CORO1B: variants seen among roughly 807,000 people sequenced by gnomAD.
CORO1B encodes coronin-1B.
In CORO1B, 30 loss-of-function variants were observed where a neutral mutation model predicts 51.1. The ratio of observed to expected loss-of-function variants is 0.59; its 90% CI spans 0.44 to 0.80. The LOEUF (loss-of-function observed/expected upper bound fraction) is 0.80. CORO1B is among the 30% of genes least tolerant of loss of function. The probability of loss-of-function intolerance (pLI) is 0.00; values close to 1 mark genes in which losing one functional copy is unlikely to be tolerated. For missense variants in CORO1B, 648 were observed against 700.4 expected, an observed-to-expected ratio of 0.93 and a Z score of 0.84; for synonymous variants, 310 against 289.7, an observed-to-expected ratio of 1.07 and a Z score of -0.71.
chr11:67,441,282 TCAAGGTCCTGGGCCTATCCACAGC>T, intron 5 of CORO1B, 27 bp downstream of exon 5: 1 of 1,612,696 alleles, frequency 6.2e-7, no homozygotes, highest in South Asian at 1.1e-5. Context: ...AGCGCCCTGC[TCAAGGTCCTGGGCCTATCCACAGC>T]CATCCTTGCC....
At position 67,438,849 on chromosome 11, in the gene CORO1B, A is replaced by C. The variant is rs755664667; in HGVS notation, c.1166T>G (p.Leu389Arg). ...WVSGRDADPI[L>R]ISLREAYVPS... is the part of the protein sequence containing the mutation. ...CACGTAGGCCTCCCGCAGTGAGATGAGGATCGGGTCGGCATCCCGCCCGCT... is the reference window on the plus strand; with the variant it reads ...CACGTAGGCCTCCCGCAGTGAGATGCGGATCGGGTCGGCATCCCGCCCGCT... Residue 389 changes from leucine (L) to arginine (R), a missense_variant, in exon 10 of 11, where the codon CTC (leucine) becomes CGC (arginine). Leu to Arg is a moderately radical substitution (Grantham distance 102, BLOSUM62 -2). Coordinates refer to ENST00000341356, the MANE Select transcript of CORO1B (RefSeq NM_020441.3). The C allele has an allele frequency of 1.1e-4, 175 of 1,609,318 alleles. No homozygotes were observed. Among genetic ancestry groups the C allele is most frequent in the Non-Finnish European group, 1.4e-4 (170 of 1,179,040 alleles).
intron 8 of CORO1B, 61 bp downstream of exon 8, chr11:67,440,057 A>T: frequency 6.4e-7 from 1 of 1,553,446 alleles, no homozygotes; most frequent in Non-Finnish European, 8.7e-7. Context: ...AGCAGCCTCC[A>T]ATGACCTGAC....
Position 67,436,134 on chromosome 11 carries a change from G to T in CORO1B, c.*2242C>A. The T allele has an allele frequency of 6.3e-7, 1 of 1,585,952 alleles. No homozygotes were observed. The highest frequency in any genetic ancestry group is 8.6e-7 in the Non-Finnish European group (1 of 1,166,024). On this transcript the variant is annotated 3_prime_UTR_variant, in exon 11 of 11. Transcript: ENST00000341356. ...AGCAGGCGCCGCGTGCGGCCCCACA[G>T]CGCGGCACCTAGGCGGGCCGGGTGG... is the stretch of plus-strand genomic sequence containing the variant.
chr11:67,436,118 C>G lies in CORO1B; in HGVS notation c.*2258G>C. On this transcript the variant is annotated 3_prime_UTR_variant, in exon 11 of 11. Coordinates refer to ENST00000341356, the MANE Select transcript of CORO1B (RefSeq NM_020441.3). ...TGGGGGGCTGGCCCAGAGCAGGCGC[C>G]GCGTGCGGCCCCACAGCGCGGCACC... 2 of 1,597,284 alleles carry G rather than the reference C, an allele frequency of 1.3e-6. No homozygotes were observed. The highest frequency in any genetic ancestry group is 1.7e-6 in the Non-Finnish European group (2 of 1,171,914).
At position 67,441,763 on chromosome 11, in the gene CORO1B, G is replaced by C. The variant is rs779493385; in HGVS notation, c.424C>G (p.Pro142Ala). 3 of 1,612,232 alleles carry C rather than the reference G, an allele frequency of 1.9e-6. No homozygotes were observed. The highest frequency in any genetic ancestry group is 2.5e-6 in the Non-Finnish European group (3 of 1,179,614). Residue 142 changes from proline to alanine, a missense_variant, in exon 4 of 11, where the codon CCC becomes GCC. Physicochemically the swap from Pro to Ala is conservative, Grantham distance 27. Transcript: ENST00000341356. ...CTGAGCAGCACGTTTCGGGCCGTGGGGTGCCAGGCGATGATGCCCACTCGC... is the reference window on the plus strand; with the variant it reads ...CTGAGCAGCACGTTTCGGGCCGTGGCGTGCCAGGCGATGATGCCCACTCGC... ...TKRVGIIAWH[P>A]TARNVLLSAG...
At position 67,435,788 on chromosome 11, in the gene CORO1B, C is replaced by G; in HGVS notation, c.*2588G>C. On this transcript the variant is annotated 3_prime_UTR_variant, in exon 11 of 11. Coordinates refer to ENST00000341356, the MANE Select transcript of CORO1B (RefSeq NM_020441.3). The stretch of plus-strand genomic sequence containing the variant: ...CCCAGCTGCCCTGGCGCTGTCATCC[C>G]AGGCTGCGCTGCCAGCAAAGGCGTG... The G allele has an allele frequency of 6.3e-7, 1 of 1,585,504 alleles. No individual in the cohort carries two copies. The highest frequency in any genetic ancestry group is 8.6e-7 in the Non-Finnish European group (1 of 1,166,034).
At chr11:67,443,498 C>A, upstream of CORO1B, 1 of 983,758 alleles carries the variant, frequency 1.0e-6, no homozygotes, top group Non-Finnish European at 1.2e-6. Flanking sequence ...CAGGAAGTGA[C>A]AGAGGGACCC....
Position 67,438,678 on chromosome 11 carries a change from C to T in CORO1B, c.1337G>A (p.Arg446Lys), listed in dbSNP as rs577352348. Reference protein sequence around the residue: ...ADATPSGSLARAGEAGKLEEV... With the variant: ...ADATPSGSLAKAGEAGKLEEV... ...CTGCCTGCGCGTGCATACCCCGGCT[C>T]TGGCCAGGCTGCCGCTGGGGGTGGC... Residue 446 changes from arginine (R) to lysine (K), a missense_variant, in exon 10 of 11, where the codon AGA becomes AAA. Arg to Lys is a conservative substitution (Grantham distance 26). Transcript: ENST00000341356. The T allele has an allele frequency of 5.2e-6, 8 of 1,539,802 alleles. No homozygotes were observed. Among genetic ancestry groups the T allele is most frequent in the African/African-American group, 1.4e-5 (1 of 73,390 alleles).
rs373170418 is a variant in CORO1B at position 67,441,704 on chromosome 11, G to T, written c.454+29C>A. On this transcript the variant is annotated intron_variant, in intron 4 of 10. Transcript: ENST00000341356. ...ATGTATGGAGGGGTCCGTGGGGGGG[G>T]GGAGCACAAAACGGGGGGCGGTGCA... 12 of 1,307,642 alleles carry T rather than the reference G, an allele frequency of 9.2e-6. 1 individual carries two copies. In the Middle Eastern group the frequency reaches 5.6e-4, roughly 61 times the overall value. 81.0% of individuals were successfully genotyped at this position (1,307,642 alleles called of 1,614,324 possible).
chr11:67,438,526 G>C (rs1864333235), intron 10 of CORO1B, 25 bp from the exon 11 acceptor site: 2 of 1,592,344 alleles, frequency 1.3e-6, no homozygotes, highest in African/African-American at 1.3e-5. Flanking sequence ...AGCAGGGGTA[G>C]GGGGCGGTGG....
chr11:67,437,419 G>A lies in CORO1B; in HGVS notation c.*957C>T, dbSNP rs534851413. 8 of 502,612 alleles carry A rather than the reference G, an allele frequency of 1.6e-5. No homozygotes were observed. The East Asian group carries it at 2.8e-4, about 18-fold the overall frequency. 31.1% of individuals were successfully genotyped at this position (502,612 alleles called of 1,614,324 possible). ...CTGACAGGGGCCTGGTCCGGTATGG[G>A]GTGCTGGGGGCCAGGCCTGGAGTCC... On this transcript the variant is annotated 3_prime_UTR_variant, in exon 11 of 11. Transcript: ENST00000341356.
At chr11:67,442,182 C>T (rs1324476128) in intron 2 of CORO1B, 94 bp from the exon 3 acceptor site, 183 of 1,560,648 alleles carry the variant, frequency 1.2e-4, no homozygotes, top group Non-Finnish European at 1.5e-4. Context: ...CGTCCCGGCT[C>T]ACAGGTGGCC....
At chr11:67,443,501 A>T (rs1365284417), upstream of CORO1B, 2 of 976,944 alleles carry the variant, frequency 2.0e-6, no homozygotes, top group East Asian at 2.3e-4. Flanking sequence ...GAAGTGACAG[A>T]GGGACCCGGA....
chr11:67,437,546 C>A lies in CORO1B; in HGVS notation c.*830G>T. The A allele has an allele frequency of 2.3e-6, 3 of 1,319,812 alleles. No individual in the cohort carries two copies. In the South Asian group the frequency reaches 8.2e-5, roughly 36 times the overall value. The allele number at this position is 1,319,812 out of a possible 1,614,324, so 81.8% of individuals were successfully genotyped here. A position where few individuals can be genotyped will look rare whatever the true frequency, so the allele number is the denominator to read the frequency against. On this transcript the variant is annotated 3_prime_UTR_variant, in exon 11 of 11. Coordinates refer to ENST00000341356, the MANE Select transcript of CORO1B (RefSeq NM_020441.3). ...CAATGTGGGGCCCTCCTTAGCTCCA[C>A]AGGCCCAGACATTCTAGCCCCGACC...
At chr11:67,443,534 C>T, upstream of CORO1B, 3 of 451,414 alleles carry the variant, frequency 6.6e-6, no homozygotes, top group Non-Finnish European at 8.8e-6. Context: ...CAGGGGCTCG[C>T]GGGGGCGGGG....
intron 10 of CORO1B, 80 bp from the exon 11 acceptor site, chr11:67,438,581 C>G: frequency 3.2e-6 from 5 of 1,548,100 alleles, no homozygotes; most frequent in South Asian, 1.2e-5. Flanking sequence ...ACCACTACCC[C>G]AGAGAGGGAC....
chr11:67,442,660 G>A (rs775133139), intron 1 of CORO1B, 30 bp from the exon 2 acceptor site: 3 of 1,600,172 alleles, frequency 1.9e-6, no homozygotes, highest in Non-Finnish European at 2.6e-6. Context: ...GGGTCAGTCC[G>A]GCCCATCCCA....
At chr11:67,442,146 C>G in intron 2 of CORO1B, 58 bp from the exon 3 acceptor site, 1 of 1,588,166 alleles carries the variant, frequency 6.3e-7, no homozygotes, top group Non-Finnish European at 8.6e-7. Flanking sequence ...TTGGTCTTCC[C>G]CTCCATGGAG....
chr11:67,441,100 T>G, intron 6 of CORO1B, 25 bp downstream of exon 6: 4 of 1,612,854 alleles, frequency 2.5e-6, no homozygotes, highest in Non-Finnish European at 3.4e-6. Context: ...AGTCTCAAGT[T>G]TGCCCCCTCA....
Sources: allele counts gnomAD v4.1 joint callset, GRCh38; gene constraint gnomAD v4.1.1; transcripts MANE v1.5; gene names NCBI Gene and HGNC (gene_info 2026-07-23, HGNC 2026-07-21).